RBFOX1: variants seen among roughly 807,000 people sequenced by gnomAD.
The protein encoded by RBFOX1 is RNA binding fox-1 homolog 1.
In RBFOX1, 8 loss-of-function variants were observed where a neutral mutation model predicts 57.7. The ratio of observed to expected loss-of-function variants is 0.14; its 90% CI spans 0.08 to 0.25. The LOEUF is 0.25. Among genes scored for constraint, RBFOX1 ranks in the 10% least tolerant of loss-of-function variants. RBFOX1 has a pLI of 1.00. For missense variants in RBFOX1, 611 were observed against 548.5 expected (o/e 1.11, Z -1.14); for synonymous variants, 326 against 222.4 (o/e 1.47, Z -4.15).
intron 3 of RBFOX1, among the ~76,000 whole-genome samples, chr16:6,727,047 C>G (rs937663627): frequency 7.7e-5 from 1 of 12,942 alleles, no homozygotes; most frequent in South Asian, 8.9e-3. Flanking sequence ...GGTATTTGGA[C>G]TGAACACACA....
chr16:5,911,353 C>T (rs1191186469), intron 4 of RBFOX1, among the ~76,000 whole-genome samples: 2 of 152,216 alleles, frequency 1.3e-5, no homozygotes, highest in Admixed American at 6.5e-5. Context: ...TCTGAAGTTC[C>T]TGTTCCCCTT....
At chr16:6,858,373 C>G (rs183117833) in intron 3 of RBFOX1, among the ~76,000 whole-genome samples, 1 of 152,166 alleles carries the variant, frequency 6.6e-6, no homozygotes, top group African/African-American at 2.4e-5. Flanking sequence ...ATTCGTGATA[C>G]TTTCCTCTCC....
At chr16:5,913,068 C>T (rs999910168) in intron 4 of RBFOX1, among the ~76,000 whole-genome samples, 4 of 152,148 alleles carry the variant, frequency 2.6e-5, no homozygotes, top group African/African-American at 9.7e-5. Flanking sequence ...TAGGCGAGTC[C>T]CTTGACATTT....
intron 3 of RBFOX1, among the ~76,000 whole-genome samples, chr16:6,807,062 G>C (rs566896445): frequency 2.6e-5 from 4 of 151,770 alleles, no homozygotes; most frequent in South Asian, 2.1e-4. Context: ...TTGAACTCCT[G>C]ACCTCAAGTA....
rs140128314 is a variant in RBFOX1, at chr16:6,572,445, C to G, written c.-63-82158C>G. Among the ~76,000 whole-genome samples the G allele has an allele frequency of 3.2e-3, 483 of 152,250 alleles. 1 individual carries two copies. The highest frequency in any genetic ancestry group is 0.01 in the Middle Eastern group (3 of 294). ...AAGAATGTCTAACCTTTGTTGGGCTCTTATCTAAGAGACACTAAGCGTGCA... is the reference window on the plus strand; with the variant it reads ...AAGAATGTCTAACCTTTGTTGGGCTGTTATCTAAGAGACACTAAGCGTGCA... On this transcript the variant is annotated intron_variant, in intron 2 of 15. Transcript: ENST00000550418.
rs543037733 is a variant in RBFOX1, at chr16:5,769,076, G to GA, written c.319-98217dup. 4.3e-4 allele frequency among the ~76,000 whole-genome samples: 63 copies of GA among 145,552 alleles called. No individual in the cohort carries two copies. In the South Asian group the frequency reaches 4.8e-3, roughly 11 times the overall value. On this transcript the variant is annotated intron_variant, in intron 3 of 19. Transcript: ENST00000641259. The stretch of plus-strand genomic sequence containing the variant: ...CTATAAACTACCAACAGGTCAAAAA[G>GA]AAAAAAAAAAGAGTCAATTAAATAT...
At chr16:7,193,932 A>G (rs571884760) in intron 4 of RBFOX1, among the ~76,000 whole-genome samples, 5 of 152,238 alleles carry the variant, frequency 3.3e-5, no homozygotes, top group African/African-American at 1.2e-4. Flanking sequence ...TTGAAAATAT[A>G]GTAGCATCTA....
chr16:6,483,747 G>C, intron 2 of RBFOX1: 2 of 1,429,858 alleles, frequency 1.4e-6, no homozygotes, highest in South Asian at 3.0e-5. Flanking sequence ...GCCTGTGGCA[G>C]AGGAGCAGCC....
chr16:7,117,675 C>G (rs1406350584), intron 4 of RBFOX1, among the ~76,000 whole-genome samples: 1 of 152,196 alleles, frequency 6.6e-6, no homozygotes, highest in Admixed American at 6.5e-5. Context: ...CCTGCAGAAG[C>G]TTAACACAAC....
chr16:6,410,751 C>G (rs1029835), intron 2 of RBFOX1, among the ~76,000 whole-genome samples: 82,108 of 151,960 alleles, frequency 0.54, 22,414 homozygotes, highest in African/African-American at 0.59. Context: ...GTGCATTTGG[C>G]CAGAAAATGC....
At chr16:5,275,240 G>T (rs2063112784) in intron 1 of RBFOX1, among the ~76,000 whole-genome samples, 1 of 152,172 alleles carries the variant, frequency 6.6e-6, no homozygotes, top group African/African-American at 2.4e-5. Flanking sequence ...AATGAGTAAT[G>T]ATCAAATCAG....
chr16:6,510,719 C>T (rs145479030), intron 2 of RBFOX1, among the ~76,000 whole-genome samples: 1 of 152,104 alleles, frequency 6.6e-6, no homozygotes, highest in Admixed American at 6.5e-5. Context: ...GGCTCCAAAT[C>T]TGGGCACAGA....
intron 3 of RBFOX1, among the ~76,000 whole-genome samples, chr16:6,725,938 G>T (rs2067074468): frequency 6.6e-6 from 1 of 152,140 alleles, no homozygotes; most frequent in Non-Finnish European, 1.5e-5. Flanking sequence ...ATAAACACTT[G>T]AGGGAAACCA....
intron 4 of RBFOX1, among the ~76,000 whole-genome samples, chr16:7,508,079 C>T (rs1354497929): frequency 1.1e-4 from 16 of 152,130 alleles, no homozygotes; most frequent in African/African-American, 3.9e-4. Flanking sequence ...CTCCACCTCC[C>T]GGGTTCAAGC....
intron 1 of RBFOX1, among the ~76,000 whole-genome samples, chr16:6,118,511 G>A (rs573573736): frequency 2.2e-4 from 34 of 152,140 alleles, no homozygotes; most frequent in South Asian, 1.9e-3. Context: ...CTTGGATGGC[G>A]GCAGTGGCTG....
intron 3 of RBFOX1, among the ~76,000 whole-genome samples, chr16:7,022,350 C>G (rs1195048520): frequency 6.6e-6 from 1 of 151,714 alleles, no homozygotes; most frequent in Admixed American, 6.6e-5. Context: ...ACCACTGCAC[C>G]TGGCCGTGAA....
chr16:6,522,311 G>A (rs1567544593), intron 2 of RBFOX1, among the ~76,000 whole-genome samples: 1 of 152,030 alleles, frequency 6.6e-6, no homozygotes, highest in Non-Finnish European at 1.5e-5. Context: ...GGGAGGGAAT[G>A]CCATAATTCC....
At chr16:5,432,299 G>T (rs1359551417) in intron 1 of RBFOX1, among the ~76,000 whole-genome samples, 5 of 149,510 alleles carry the variant, frequency 3.3e-5, no homozygotes, top group Admixed American at 6.7e-5. Flanking sequence ...GAAAAGGCAG[G>T]CCTCGCCGCA....
intron 2 of RBFOX1, among the ~76,000 whole-genome samples, chr16:6,566,360 A>G (rs1045084107): frequency 6.6e-6 from 1 of 152,148 alleles, no homozygotes; most frequent in Non-Finnish European, 1.5e-5. Flanking sequence ...ATGTGTAGTT[A>G]TAGTATTGTC....
Sources: gnomAD v4.1 joint callset for allele counts (sites outside exome capture counted in the v4.1 genomes callset) on GRCh38, gnomAD v4.1.1 for gene constraint, MANE v1.5 for transcripts, NCBI Gene and HGNC (gene_info 2026-07-23, HGNC 2026-07-21) for gene names.